The following GABRA5 variants were observed in gnomAD, a reference collection of about 807,000 sequenced individuals.
The protein encoded by GABRA5 is gamma-aminobutyric acid type A receptor subunit alpha5, also known as gamma-aminobutyric acid receptor subunit alpha-5.
In GABRA5, 18 loss-of-function variants were observed where a neutral mutation model predicts 47.3. The observed-to-expected ratio is 0.38, with a 90% CI of 0.26 to 0.56. The LOEUF (loss-of-function observed/expected upper bound fraction) is 0.56. Among genes scored for constraint, GABRA5 ranks in the 20% least tolerant of loss-of-function variants. GABRA5 has a pLI of 0.71. For missense variants in GABRA5, 365 were observed against 599.3 expected (o/e 0.61, Z 4.08); for synonymous variants, 237 against 229.3 (o/e 1.03, Z -0.30).
intron 7 of GABRA5, among the ~76,000 whole-genome samples, chr15:26,930,890 CTTTT>C (rs1894087078): frequency 7.4e-6 from 1 of 134,940 alleles, no homozygotes; most frequent in East Asian, 2.1e-4. Flanking sequence ...TTCTTTCTTT[CTTTT>C]CTTTTTTTTT....
intron 7 of GABRA5, among the ~76,000 whole-genome samples, chr15:26,930,710 A>T (rs1894080599): frequency 1.3e-5 from 2 of 152,024 alleles, no homozygotes; most frequent in Admixed American, 1.3e-4. Context: ...AGTTGCTTTA[A>T]ACAGTCCATT....
intron 7 of GABRA5, among the ~76,000 whole-genome samples, chr15:26,918,211 A>C (rs575884348): frequency 2.6e-5 from 4 of 151,738 alleles, no homozygotes; most frequent in Non-Finnish European, 4.4e-5. Context: ...TTTCATTTTT[A>C]TCTGTTTCAA....
chr15:26,897,871 A>G (rs369324989), intron 6 of GABRA5, among the ~76,000 whole-genome samples: 2 of 151,908 alleles, frequency 1.3e-5, no homozygotes, highest in Non-Finnish European at 2.9e-5. Flanking sequence ...GGGGCTTTTT[A>G]GTGCCCATTT....
chr15:26,948,217 C>A lies in GABRA5; in HGVS notation c.1373C>A (p.Ala458Asp), dbSNP rs1402141381. The A allele has an allele frequency of 1.2e-6, 2 of 1,611,622 alleles. No homozygotes were observed. Among genetic ancestry groups the A allele is most frequent in the Non-Finnish European group, 1.7e-6 (2 of 1,179,284 alleles). Residue 458 changes from alanine (A) to aspartate (D), a missense_variant, in exon 11 of 11, where the codon GCC (alanine) becomes GAC (aspartate). Physicochemically the swap from Ala to Asp is moderately radical, Grantham distance 126 (BLOSUM62 -2). This residue lies in a region of GABRA5 where 106 missense variants were observed against 130.3 expected (regional missense o/e 0.81). Coordinates refer to ENST00000335625, the MANE Select transcript of GABRA5 (RefSeq NM_000810.4). ...YLNREPVIKG[A>D]ASPK ...AATAGGGAGCCGGTGATAAAAGGAGCCGCCTCTCCAAAATAACCGGCCACA... is the reference window on the plus strand; with the variant it reads ...AATAGGGAGCCGGTGATAAAAGGAGACGCCTCTCCAAAATAACCGGCCACA...
At chr15:26,930,037 G>GTTTTTTT in intron 7 of GABRA5, among the ~76,000 whole-genome samples, 1 of 87,402 alleles carries the variant, frequency 1.1e-5, no homozygotes, top group Admixed American at 1.2e-4. Context: ...TTTGTTTTTT[G>GTTTTTTT]AGATGGAGTT....
At chr15:26,911,376 C>CAT (rs1851792803) in intron 6 of GABRA5, among the ~76,000 whole-genome samples, 1 of 140,026 alleles carries the variant, frequency 7.1e-6, no homozygotes, top group Admixed American at 7.1e-5. Flanking sequence ...TGCATGCACA[C>CAT]ACACACACAC....
chr15:26,919,522 A>G (rs968039755), intron 7 of GABRA5, among the ~76,000 whole-genome samples: 5 of 152,096 alleles, frequency 3.3e-5, no homozygotes, highest in African/African-American at 9.7e-5. Context: ...CTTTACTACT[A>G]TTTCCCACAC....
intron 8 of GABRA5, chr15:26,939,415 A>G: frequency 2.6e-6 from 2 of 765,220 alleles, no homozygotes; most frequent in South Asian, 1.3e-5. Context: ...GCCAGGACCC[A>G]GAGCCTCCTG....
At chr15:26,900,577 C>A (rs1399009215) in intron 6 of GABRA5, among the ~76,000 whole-genome samples, 2 of 152,072 alleles carry the variant, frequency 1.3e-5, no homozygotes, top group Non-Finnish European at 2.9e-5. Flanking sequence ...GGTTTACAGA[C>A]AAATTAAGAG....
In GABRA5 at chr15:26,948,297, T is replaced by G; in HGVS notation, c.*64T>G. On this transcript the variant is annotated 3_prime_UTR_variant, in exon 11 of 11. Coordinates refer to ENST00000335625, the MANE Select transcript of GABRA5 (RefSeq NM_000810.4). ...AGCGAAATGGTACCAAGGAGAGGTC[T>G]TGCTCACAGGGACTCTCCATATGTG... The G allele has an allele frequency of 1.2e-5, 18 of 1,501,262 alleles. No individual in the cohort carries two copies. The highest frequency in any genetic ancestry group is 2.5e-5 in the South Asian group (2 of 80,126). The allele number at this position is 1,501,262 out of a possible 1,614,324, so 93.0% of individuals were successfully genotyped here.
At chr15:26,937,544 A>G (rs895787497) in intron 8 of GABRA5, among the ~76,000 whole-genome samples, 9 of 152,156 alleles carry the variant, frequency 5.9e-5, no homozygotes, top group Admixed American at 3.3e-4. Context: ...CTGCAGCTGC[A>G]CACAGAGGCA....
chr15:26,937,010 C>G (rs974971872), intron 7 of GABRA5, among the ~76,000 whole-genome samples, 175 bp from the exon 8 acceptor site: 1 of 152,144 alleles, frequency 6.6e-6, no homozygotes, highest in South Asian at 2.1e-4. Flanking sequence ...GGGAAGATGC[C>G]GAACTGCAGT....
intron 8 of GABRA5, chr15:26,939,324 C>A (rs1894327560): frequency 1.3e-6 from 1 of 765,194 alleles, no homozygotes; most frequent in South Asian, 1.3e-5. Context: ...CCAGAGAAGG[C>A]ACTGGGGCAT....
chr15:26,888,924 T>C (rs1892941395), intron 6 of GABRA5, among the ~76,000 whole-genome samples: 1 of 152,224 alleles, frequency 6.6e-6, no homozygotes, highest in South Asian at 2.1e-4. Context: ...AGGCTGGCTC[T>C]GCCTGCACCA....
intron 7 of GABRA5, among the ~76,000 whole-genome samples, chr15:26,930,749 C>T (rs1184563951): frequency 6.6e-6 from 1 of 152,170 alleles, no homozygotes; most frequent in Non-Finnish European, 1.5e-5. Context: ...TTCTAGCACA[C>T]ATCTCTTCCA....
chr15:26,924,158 C>CTTTT (rs536989357), intron 7 of GABRA5, among the ~76,000 whole-genome samples: 1,433 of 123,716 alleles, frequency 0.012, 41 homozygotes, highest in African/African-American at 0.041. Flanking sequence ...TAATACAAGG[C>CTTTT]TTTTTTTTTT....
At chr15:26,881,768 C>T (rs1595396230) in intron 4 of GABRA5, among the ~76,000 whole-genome samples, 3 of 152,226 alleles carry the variant, frequency 2.0e-5, no homozygotes, top group East Asian at 1.9e-4. Context: ...GGCATGATCT[C>T]GGCTCACTGC....
At chr15:26,944,728 C>T (rs1894470849) in intron 10 of GABRA5, among the ~76,000 whole-genome samples, 1 of 152,184 alleles carries the variant, frequency 6.6e-6, no homozygotes, top group African/African-American at 2.4e-5. Flanking sequence ...GACGGGGCTT[C>T]CCAACACCCT....
At chr15:26,931,742 G>A (rs902349394) in intron 7 of GABRA5, among the ~76,000 whole-genome samples, 2 of 152,120 alleles carry the variant, frequency 1.3e-5, no homozygotes, top group Non-Finnish European at 2.9e-5. Flanking sequence ...GAATCTGGTA[G>A]GATTTGAATG....
Sources: gnomAD v4.1 joint callset for allele counts (sites outside exome capture counted in the v4.1 genomes callset) on GRCh38, gnomAD v4.1.1 for gene constraint, gnomAD v4.1.1 regional missense constraint, MANE v1.5 for transcripts, NCBI Gene and HGNC (gene_info 2026-07-23, HGNC 2026-07-21) for gene names.